Variants in FOXP2 observed in about 807,000 individuals in gnomAD.
FOXP2 encodes the protein forkhead box protein P2.
A neutral mutation model predicts 115.8 loss-of-function variants in FOXP2; 12 were observed. The observed-to-expected ratio is 0.10, with a 90% CI of 0.07 to 0.17. FOXP2 has a LOEUF of 0.17. FOXP2 is among the 10% of genes least tolerant of loss of function. The pLI, the probability that FOXP2 is intolerant of heterozygous loss-of-function variation, is 1.00. For missense variants in FOXP2, 629 were observed against 843.5 expected, an observed-to-expected ratio of 0.75 and a Z score of 3.15; for synonymous variants, 328 against 297.7, an observed-to-expected ratio of 1.10 and a Z score of -1.05.
At chr7:114,161,641 T>G (rs1006730055), upstream of FOXP2, among the ~76,000 whole-genome samples, 2 of 152,016 alleles carry the variant, frequency 1.3e-5, no homozygotes, top group African/African-American at 4.8e-5. Context: ...CGTGTATGTG[T>G]GTGTGTGTGC....
intron 1 of FOXP2, among the ~76,000 whole-genome samples, chr7:114,117,023 G>T (rs1791426286): frequency 3.9e-5 from 6 of 152,036 alleles, no homozygotes; most frequent in Admixed American, 6.6e-5. Context: ...TATAGCAAAA[G>T]ATTCTGCATC....
chr7:114,587,257 G>A (rs1802187045), intron 3 of FOXP2, among the ~76,000 whole-genome samples: 1 of 151,970 alleles, frequency 6.6e-6, no homozygotes, highest in African/African-American at 2.4e-5. Context: ...GCCCTGGTGT[G>A]TGATGTTTCC....
chr7:114,451,789 C>A (rs10262103), intron 2 of FOXP2, among the ~76,000 whole-genome samples: 94,235 of 151,830 alleles, frequency 0.62, 30,342 homozygotes, highest in African/African-American at 0.79. Flanking sequence ...TGAGAAAGGA[C>A]TGCAGAGAGC....
chr7:114,528,198 A>G (rs893093389), intron 2 of FOXP2, among the ~76,000 whole-genome samples: 3 of 151,994 alleles, frequency 2.0e-5, no homozygotes, highest in Admixed American at 1.3e-4. Flanking sequence ...ACTATATATA[A>G]TCTCACATTT....
intron 1 of FOXP2, among the ~76,000 whole-genome samples, chr7:114,095,108 TTAAA>T (rs918260831): frequency 1.4e-4 from 21 of 152,212 alleles, no homozygotes; most frequent in African/African-American, 5.1e-4. Flanking sequence ...TCCCACATCG[TTAAA>T]TAGCCAGCAT....
chr7:114,256,198 G>T (rs1795607682), intron 1 of FOXP2, among the ~76,000 whole-genome samples: 1 of 152,082 alleles, frequency 6.6e-6, no homozygotes, highest in African/African-American at 2.4e-5. Flanking sequence ...TGCCTCCCAG[G>T]TTCAAGTGAT....
intron 1 of FOXP2, among the ~76,000 whole-genome samples, chr7:114,192,335 A>T (rs1003728924): frequency 6.6e-6 from 1 of 152,134 alleles, no homozygotes; most frequent in African/African-American, 2.4e-5. Context: ...ATTGTTGAAT[A>T]ACATTTCATT....
intron 1 of FOXP2, among the ~76,000 whole-genome samples, chr7:114,267,663 G>A (rs1156958944): frequency 6.6e-6 from 1 of 151,044 alleles, no homozygotes; most frequent in Non-Finnish European, 1.5e-5. Flanking sequence ...GGAGGCAGAG[G>A]TTGCGGTGAG....
chr7:114,502,361 C>T (rs1156873180), intron 2 of FOXP2, among the ~76,000 whole-genome samples: 2 of 152,024 alleles, frequency 1.3e-5, no homozygotes, highest in African/African-American at 2.4e-5. Context: ...TCAGAAAAAA[C>T]ACTAGCCATG....
At chr7:114,195,774 G>A (rs895989712) in intron 1 of FOXP2, among the ~76,000 whole-genome samples, 1 of 152,098 alleles carries the variant, frequency 6.6e-6, no homozygotes, top group African/African-American at 2.4e-5. Flanking sequence ...GATTGGTAAT[G>A]TTGACTGGAT....
intron 2 of FOXP2, among the ~76,000 whole-genome samples, chr7:114,381,993 T>C (rs1792316564): frequency 6.6e-6 from 1 of 152,182 alleles, no homozygotes; most frequent in African/African-American, 2.4e-5. Flanking sequence ...CAAACAGTTG[T>C]TCCTTCTCCT....
intron 3 of FOXP2, among the ~76,000 whole-genome samples, chr7:114,628,284 T>G (rs973072270): frequency 4.6e-5 from 7 of 152,162 alleles, no homozygotes; most frequent in African/African-American, 1.7e-4. Context: ...TAGCCGAAAT[T>G]CAAATATCTA....
At chr7:114,351,771 T>C (rs1408179408) in intron 2 of FOXP2, among the ~76,000 whole-genome samples, 1 of 152,108 alleles carries the variant, frequency 6.6e-6, no homozygotes, top group Admixed American at 6.6e-5. Flanking sequence ...TTCATTATTA[T>C]GGAGATGCTT....
At chr7:114,587,560 T>G (rs943849545) in intron 3 of FOXP2, among the ~76,000 whole-genome samples, 1 of 152,132 alleles carries the variant, frequency 6.6e-6, no homozygotes, top group Non-Finnish European at 1.5e-5. Context: ...TAACTCATTT[T>G]AAAATTCTGG....
At chr7:114,525,786 TTC>T (rs1368408253) in intron 2 of FOXP2, among the ~76,000 whole-genome samples, 2 of 152,264 alleles carry the variant, frequency 1.3e-5, no homozygotes, top group Admixed American at 6.5e-5. Flanking sequence ...CTTTCCCATA[TTC>T]TAGGGACTTG....
intron 1 of FOXP2, among the ~76,000 whole-genome samples, chr7:114,208,843 G>A (rs922077265): frequency 6.6e-6 from 1 of 152,050 alleles, no homozygotes; most frequent in African/African-American, 2.4e-5. Context: ...TGCCATGATT[G>A]TGAGGCCTCC....
At chr7:114,145,763 TAG>T (rs1792354885) in intron 1 of FOXP2, among the ~76,000 whole-genome samples, 1 of 152,152 alleles carries the variant, frequency 6.6e-6, no homozygotes, top group Non-Finnish European at 1.5e-5. Flanking sequence ...TGCAATTCTA[TAG>T]AGAGACAATA....
intron 2 of FOXP2, among the ~76,000 whole-genome samples, chr7:114,305,779 C>A (rs1239085723): frequency 2.6e-5 from 4 of 152,178 alleles, no homozygotes; most frequent in Middle Eastern, 3.4e-3. Context: ...GTTTTCTAAT[C>A]ACTTTACACA....
intron 2 of FOXP2, among the ~76,000 whole-genome samples, chr7:114,447,752 C>A (rs1794900526): frequency 6.6e-6 from 1 of 152,178 alleles, no homozygotes; most frequent in Non-Finnish European, 1.5e-5. Context: ...AATGCATACC[C>A]ATCTTGGGTA....
Sources: gnomAD v4.1 joint callset for allele counts (sites outside exome capture counted in the v4.1 genomes callset) on GRCh38, gnomAD v4.1.1 for gene constraint, MANE v1.5 for transcripts, NCBI Gene and HGNC (gene_info 2026-07-23, HGNC 2026-07-21) for gene names.